UNC5D: variants seen among roughly 807,000 people sequenced by gnomAD.
The protein encoded by UNC5D is netrin receptor UNC5D.
Under a neutral mutation model 105.4 loss-of-function variants are expected in UNC5D, and 39 were observed. The observed-to-expected ratio is 0.37, with a 90% CI of 0.29 to 0.48. The LOEUF (loss-of-function observed/expected upper bound fraction) is 0.48, where lower values mean the gene tolerates loss of function less well. Among genes scored for constraint, UNC5D ranks in the 20% least tolerant of loss-of-function variants. UNC5D has a pLI of 0.98. For synonymous variants in UNC5D, 452 were observed against 450.4 expected (o/e 1.00, Z -0.04); for missense variants, 991 against 1,202.4 (o/e 0.82, Z 2.60).
At chr8:35,329,911 T>C (rs1810482561) in intron 1 of UNC5D, among the ~76,000 whole-genome samples, 1 of 152,216 alleles carries the variant, frequency 6.6e-6, no homozygotes, top group Non-Finnish European at 1.5e-5. Flanking sequence ...ATAATAATAA[T>C]GGCTAACATT....
At chr8:35,762,882 C>T (rs1801603822) in intron 14 of UNC5D, among the ~76,000 whole-genome samples, 1 of 152,202 alleles carries the variant, frequency 6.6e-6, no homozygotes, top group African/African-American at 2.4e-5. Context: ...CAGTGTCTGT[C>T]TCCTGCTAAG....
intron 1 of UNC5D, among the ~76,000 whole-genome samples, chr8:35,510,840 C>T (rs971064824): frequency 6.6e-6 from 1 of 152,188 alleles, no homozygotes; most frequent in African/African-American, 2.4e-5. Flanking sequence ...AGAGATGACA[C>T]ATATAAATCA....
chr8:35,635,655 G>A (rs1648736004), intron 4 of UNC5D, among the ~76,000 whole-genome samples: 3 of 152,134 alleles, frequency 2.0e-5, no homozygotes, highest in African/African-American at 4.8e-5. Flanking sequence ...GTAGTAAAGG[G>A]TTCTTCTGTG....
intron 1 of UNC5D, among the ~76,000 whole-genome samples, chr8:35,497,755 G>GA (rs951391286): frequency 4.7e-4 from 72 of 151,888 alleles, no homozygotes; most frequent in Non-Finnish European, 1.3e-4. Flanking sequence ...AGGAAACCGA[G>GA]AAAAGGGTGT....
chr8:35,624,970 A>G (rs1033325411), intron 4 of UNC5D, among the ~76,000 whole-genome samples: 2 of 152,160 alleles, frequency 1.3e-5, no homozygotes, highest in Non-Finnish European at 2.9e-5. Context: ...AATTATTGTA[A>G]TCTGCTTCAT....
intron 16 of UNC5D, among the ~76,000 whole-genome samples, chr8:35,780,376 C>T (rs1190673904): frequency 1.7e-4 from 26 of 152,172 alleles, no homozygotes; most frequent in Non-Finnish European, 1.5e-5. Context: ...AGAATCTTCT[C>T]GCATTGAGGT....
chr8:35,796,321 C>T lies in UNC5D; in HGVS notation c.*5758C>T, dbSNP rs1033353893. 6.8e-6 allele frequency: 1 copy of T among 147,732 alleles called. No individual in the cohort carries two copies. Among genetic ancestry groups the T allele is most frequent in the Non-Finnish European group, 1.5e-5 (1 of 67,586 alleles). The allele number at this position is 147,732 out of a possible 1,614,324, so 9.2% of individuals were successfully genotyped here. On this transcript the variant is annotated 3_prime_UTR_variant, in exon 17 of 17. Coordinates refer to ENST00000404895, the MANE Select transcript of UNC5D (RefSeq NM_080872.4). ...GGCTGCACTGGCTTCTTTTTCAGCA[C>T]ATGTACATATCTATAAATATATATA...
intron 1 of UNC5D, among the ~76,000 whole-genome samples, chr8:35,533,710 G>C (rs2589345): frequency 2.6e-5 from 4 of 152,066 alleles, no homozygotes; most frequent in Admixed American, 6.5e-5. Flanking sequence ...TTCCGTGGGC[G>C]TAGGACCCTC....
chr8:35,365,705 A>G (rs1235368626), intron 1 of UNC5D, among the ~76,000 whole-genome samples: 1 of 151,604 alleles, frequency 6.6e-6, no homozygotes, highest in Admixed American at 6.6e-5. Flanking sequence ...TGTAGATACC[A>G]GGTACCAGGG....
intron 1 of UNC5D, among the ~76,000 whole-genome samples, chr8:35,493,689 T>A: frequency 6.6e-6 from 1 of 152,254 alleles, no homozygotes; most frequent in Non-Finnish European, 1.5e-5. Flanking sequence ...TATTGAATAT[T>A]TGGGACTTTT....
intron 7 of UNC5D, among the ~76,000 whole-genome samples, chr8:35,704,076 C>G (rs1312486859): frequency 6.6e-6 from 1 of 152,206 alleles, no homozygotes; most frequent in Non-Finnish European, 1.5e-5. Flanking sequence ...AAAAAAAAAT[C>G]TGACTATGAT....
chr8:35,501,460 C>T (rs1811969773), intron 1 of UNC5D, among the ~76,000 whole-genome samples: 1 of 152,200 alleles, frequency 6.6e-6, no homozygotes, highest in South Asian at 2.1e-4. Context: ...CAGTGGGGCT[C>T]TGTGAGGAAG....
chr8:35,251,915 C>A (rs1803725171), intron 1 of UNC5D, among the ~76,000 whole-genome samples: 2 of 152,088 alleles, frequency 1.3e-5, no homozygotes, highest in Admixed American at 6.5e-5. Flanking sequence ...TGGGCAGGAA[C>A]CCCTGGCCTA....
At chr8:35,603,380 T>C (rs1820032394) in intron 4 of UNC5D, among the ~76,000 whole-genome samples, 2 of 152,246 alleles carry the variant, frequency 1.3e-5, no homozygotes, top group Admixed American at 6.5e-5. Context: ...TCCTGAGTTC[T>C]AGTTTGATTG....
chr8:35,443,715 AT>A (rs1438889012), intron 1 of UNC5D, among the ~76,000 whole-genome samples: 1 of 152,018 alleles, frequency 6.6e-6, no homozygotes, highest in Non-Finnish European at 1.5e-5. Flanking sequence ...TATTTTGTAA[AT>A]GATCTTTCCC....
At chr8:35,789,167 A>G (rs1181857274) in intron 16 of UNC5D, among the ~76,000 whole-genome samples, 1 of 96,664 alleles carries the variant, frequency 1.0e-5, no homozygotes, top group African/African-American at 4.2e-5. Flanking sequence ...ATATATATAT[A>G]TATATATATA....
At chr8:35,776,661 A>G (rs1802259307) in intron 16 of UNC5D, among the ~76,000 whole-genome samples, 1 of 152,322 alleles carries the variant, frequency 6.6e-6, no homozygotes, top group South Asian at 2.1e-4. Flanking sequence ...CATCTCCAGG[A>G]AAATTTTTTT....
chr8:35,557,869 C>T (rs1396971413), intron 2 of UNC5D, among the ~76,000 whole-genome samples: 1 of 151,970 alleles, frequency 6.6e-6, no homozygotes, highest in Non-Finnish European at 1.5e-5. Context: ...CAGTGGCTCA[C>T]GCATGTAATC....
At chr8:35,409,374 T>A (rs1805010789) in intron 1 of UNC5D, among the ~76,000 whole-genome samples, 1 of 151,704 alleles carries the variant, frequency 6.6e-6, no homozygotes, top group African/African-American at 2.4e-5. Context: ...AGAGCTCCAG[T>A]GCCTCCACAG....
Sources: gnomAD v4.1 joint callset for allele counts (sites outside exome capture counted in the v4.1 genomes callset) on GRCh38, gnomAD v4.1.1 for gene constraint, MANE v1.5 for transcripts, NCBI Gene and HGNC (gene_info 2026-07-23, HGNC 2026-07-21) for gene names.